Variants in PTK7 observed in about 807,000 individuals in gnomAD.
The protein encoded by PTK7 is protein tyrosine kinase 7 (inactive), also known as inactive tyrosine-protein kinase 7.
Under a neutral mutation model 116.6 loss-of-function variants are expected in PTK7, and 39 were observed. The observed-to-expected ratio is 0.33, with a 90% CI of 0.26 to 0.44. The LOEUF (loss-of-function observed/expected upper bound fraction) is 0.44. Ranked by LOEUF, PTK7 falls within the 20% of genes least tolerant of loss-of-function variation. The pLI, the probability that PTK7 is intolerant of heterozygous loss-of-function variation, is 1.00. For synonymous variants in PTK7, 546 were observed against 563.6 expected (o/e 0.97, Z 0.44); for missense variants, 1,169 against 1,425.6 (o/e 0.82, Z 2.90).
chr6:43,137,212 G>A (rs1770093959), intron 7 of PTK7, among the ~76,000 whole-genome samples: 2 of 152,100 alleles, frequency 1.3e-5, no homozygotes, highest in African/African-American at 4.8e-5. Flanking sequence ...AGAATGTTAG[G>A]GCCAAGAGTA....
At chr6:43,132,800 G>T (rs1224145083) in intron 7 of PTK7, 113 bp downstream of exon 7, 41 of 1,434,482 alleles carry the variant, frequency 2.9e-5, no homozygotes, top group Non-Finnish European at 3.8e-5. Context: ...TCTGGGCCCT[G>T]CAGGCTTGGG....
intron 1 of PTK7, among the ~76,000 whole-genome samples, chr6:43,118,441 C>T (rs79067574): frequency 0.019 from 2,942 of 151,376 alleles, 93 homozygotes; most frequent in African/African-American, 0.066. Context: ...GGGGCTGAGG[C>T]GGCAGAATTG....
intron 1 of PTK7, among the ~76,000 whole-genome samples, chr6:43,123,750 G>A (rs1769109633): frequency 6.6e-6 from 1 of 152,148 alleles, no homozygotes; most frequent in Non-Finnish European, 1.5e-5. Context: ...CGCCTGGTGT[G>A]GGCAGATGGC....
At position 43,160,904 on chromosome 6, in the gene PTK7, C is replaced by T. The variant is rs374214013; in HGVS notation, c.*23C>T. The T allele has an allele frequency of 4.7e-5, 76 of 1,611,174 alleles. 1 individual carries two copies. The South Asian group carries it at 7.8e-4, about 17-fold the overall frequency. Reference sequence around the variant, plus strand: ...TGAGGAGGGAGCCCGCTCAGGATGGCCTGGGCAGGGGAGGACATCTCTAGA... The same window carrying T: ...TGAGGAGGGAGCCCGCTCAGGATGGTCTGGGCAGGGGAGGACATCTCTAGA... On this transcript the variant is annotated 3_prime_UTR_variant, in exon 20 of 20. Transcript: ENST00000230419.
At chr6:43,101,508 C>T (rs940769685) in intron 1 of PTK7, among the ~76,000 whole-genome samples, 126 of 150,440 alleles carry the variant, frequency 8.4e-4, no homozygotes, top group African/African-American at 2.7e-3. Flanking sequence ...GCTGAGATTG[C>T]GCCACTGCAC....
rs1474723619 is a variant in PTK7, at chr6:43,130,559, C to G, written c.710C>G (p.Ala237Gly). The G allele has an allele frequency of 6.2e-7, 1 of 1,614,082 alleles. No homozygotes were observed. Among genetic ancestry groups the G allele is most frequent in the African/African-American group, 1.3e-5 (1 of 75,018 alleles). ...CTGGCACCCCAGGACGTGGTAGTAG[C>G]GAGGTATGAGGAGGCCATGTTCCAT... ...VVLAPQDVVV[A>G]RYEEAMFHCQ... Residue 237 changes from alanine to glycine, a missense_variant, in exon 5 of 20, where the codon GCG becomes GGG. Ala to Gly is a moderately conservative substitution (Grantham distance 60). Transcript: ENST00000230419.
In PTK7 at chr6:43,161,463, G is replaced by A. The variant is rs572741614; in HGVS notation, c.*582G>A. On this transcript the variant is annotated 3_prime_UTR_variant, in exon 20 of 20. Transcript: ENST00000230419. The stretch of plus-strand genomic sequence containing the variant: ...CTCCTTTCCTCATCCTAAGTGCCTG[G>A]CAGATGAAGGAGTTTTCAGGAGCTT... 1 of 152,076 alleles carries A rather than the reference G, an allele frequency of 6.6e-6. No individual in the cohort carries two copies. Among genetic ancestry groups the A allele is most frequent in the African/African-American group, 2.4e-5 (1 of 41,414 alleles). The allele number at this position is 152,076 out of a possible 1,614,324, so 9.4% of individuals were successfully genotyped here. A position where few individuals can be genotyped will look rare whatever the true frequency, so the allele number is the denominator to read the frequency against.
intron 1 of PTK7, among the ~76,000 whole-genome samples, chr6:43,088,168 C>T (rs534726214): frequency 2.6e-5 from 4 of 152,160 alleles, no homozygotes; most frequent in African/African-American, 4.8e-5. Context: ...TAGACAGCAG[C>T]GGTGGCACGT....
chr6:43,094,732 T>TTAGGTGATCCACCCACCTCAGC (rs1325604158), intron 1 of PTK7, among the ~76,000 whole-genome samples: 1 of 151,814 alleles, frequency 6.6e-6, no homozygotes, highest in Non-Finnish European at 1.5e-5. Context: ...CCCGTCTCTG[T>TTAGGTGATCCACCCACCTCAGC]CTCCCAAAGT....
rs144893154 is a variant in PTK7, at chr6:43,142,211, C to T, written c.1959C>T (p.Asp653=). The T allele has an allele frequency of 2.3e-4, 365 of 1,614,148 alleles. 2 individuals carry two copies. In the African/African-American group the frequency reaches 3.8e-3, roughly 17 times the overall value. The change falls in exon 13 of 20, where the codon GAC becomes GAT. Residue 653 remains aspartate, a synonymous_variant. Coordinates refer to ENST00000230419, the MANE Select transcript of PTK7 (RefSeq NM_002821.5). ...IFQNGSLVIH[D]VAPEDSGRYT... is the part of the protein sequence containing the mutation. ...AGAATGGCTCCCTGGTGATCCATGA[C>T]GTGGCCCCTGAGGACTCAGGCCGCT... is the stretch of plus-strand genomic sequence containing the variant.
chr6:43,076,769 AG>A lies in PTK7; in HGVS notation c.79+205del. On this transcript the variant is annotated intron_variant, in intron 1 of 19. Transcript: ENST00000230419. The surrounding 1 kb of genome is among the most constrained non-coding windows in gnomAD (Gnocchi z 5.7). ...TGGCGAAGCCTCCAGGGACGCGGTC[AG>A]GGTACCCCTCCCACTCGCGCCGCGG... 1 of 1,395,860 alleles carries A rather than the reference AG, an allele frequency of 7.2e-7. No individual in the cohort carries two copies. The highest frequency in any genetic ancestry group is 1.5e-5 in the African/African-American group (1 of 67,760). 86.5% of individuals were successfully genotyped at this position (1,395,860 alleles called of 1,614,324 possible). A position where few individuals can be genotyped will look rare whatever the true frequency, so the allele number is the denominator to read the frequency against.
In PTK7 at chr6:43,142,019, C is replaced by CA. The variant is rs751581269; in HGVS notation, c.1859dup (p.Pro621AlafsTer33). On this transcript the variant is annotated frameshift_variant, in exon 12 of 20. Coordinates refer to ENST00000230419, the MANE Select transcript of PTK7 (RefSeq NM_002821.5). LOFTEE classifies it high-confidence loss of function. Reference sequence around the variant, plus strand: ...TGCAGTGCGAGGCCCAGGGGGACCCCAAGCCGCTGATTCAGTGGAAAGGCA... The same window carrying CA: ...TGCAGTGCGAGGCCCAGGGGGACCCCAAAGCCGCTGATTCAGTGGAAAGGCA... 6.2e-7 allele frequency: 1 copy of CA among 1,613,428 alleles called. No individual in the cohort carries two copies. Among genetic ancestry groups the CA allele is most frequent in the Non-Finnish European group, 8.5e-7 (1 of 1,179,920 alleles).
At position 43,145,182 on chromosome 6, in the gene PTK7, C is replaced by A; in HGVS notation, c.2408-18C>A. 1 of 1,584,822 alleles carries A rather than the reference C, an allele frequency of 6.3e-7. No homozygotes were observed. Among genetic ancestry groups the A allele is most frequent in the Admixed American group, 1.7e-5 (1 of 57,690 alleles). ...GGCCTGGGTGAAGGTGGCTGGCTGA[C>A]TCAGACTGTACCCACAGGGAAGAGT... On this transcript the variant is annotated intron_variant, in intron 15 of 19. Coordinates refer to ENST00000230419, the MANE Select transcript of PTK7 (RefSeq NM_002821.5). The surrounding 1 kb of genome is among the most constrained non-coding windows in gnomAD (Gnocchi z 4.8).
rs1489567894 is a variant in PTK7 at position 43,139,712 on chromosome 6, G to A, written c.1618+187G>A. Among the ~76,000 whole-genome samples the A allele has an allele frequency of 6.6e-6, 1 of 152,236 alleles. No individual in the cohort carries two copies. The highest frequency in any genetic ancestry group is 6.5e-5 in the Admixed American group (1 of 15,286). On this transcript the variant is annotated intron_variant, in intron 10 of 19. Transcript: ENST00000230419. This position sits in a 1 kb window ranked among gnomAD's most constrained non-coding sequence, Gnocchi z 4.6. ...ACAGAAGAGGTCAGATTATAGCCTT[G>A]GACAACATGGAAGACAACTCAAGGC...
intron 17 of PTK7, among the ~76,000 whole-genome samples, chr6:43,157,388 T>C (rs1771567352): frequency 8.8e-6 from 1 of 113,708 alleles, no homozygotes; most frequent in South Asian, 3.0e-4. Context: ...TTTTTTTTTT[T>C]TTTTTTTAAT....
At chr6:43,079,498 C>T (rs1347477317) in intron 1 of PTK7, among the ~76,000 whole-genome samples, 3 of 134,840 alleles carry the variant, frequency 2.2e-5, no homozygotes. Context: ...GAGACTCCGT[C>T]TCAAAAAAAA....
intron 17 of PTK7, among the ~76,000 whole-genome samples, chr6:43,151,646 C>A (rs1488655551): frequency 6.6e-6 from 1 of 150,952 alleles, no homozygotes; most frequent in African/African-American, 2.4e-5. Context: ...ATTATCCTGC[C>A]TCAGCCTCCC....
intron 1 of PTK7, among the ~76,000 whole-genome samples, chr6:43,089,191 G>C (rs529485951): frequency 6.6e-6 from 1 of 152,242 alleles, no homozygotes; most frequent in South Asian, 2.1e-4. Context: ...TCTTGTGCCA[G>C]GTGTATCTCT....
rs1407555741 is a variant in PTK7, at chr6:43,157,345, TATATATATATATATATATA to T, written c.2722-1471_2722-1453del. ...CACACGCTATATATATATATATATA[TATATATATATATATATATA>T]TTTTTTTTTTTCTTTTTTTTTTTTT... On this transcript the variant is annotated intron_variant, in intron 17 of 19. Transcript: ENST00000230419. 3.8e-3 allele frequency among the ~76,000 whole-genome samples: 117 copies of T among 31,036 alleles called. 6 individuals are homozygous for T. The highest frequency in any genetic ancestry group is 0.014 in the Middle Eastern group (1 of 72). 20.4% of individuals were successfully genotyped at this position (31,036 alleles called of 152,430 possible).
Sources: gnomAD v4.1 joint callset for allele counts (sites outside exome capture counted in the v4.1 genomes callset) on GRCh38, gnomAD v4.1.1 for gene constraint, Gnocchi (gnomAD v3.1) non-coding constraint, MANE v1.5 for transcripts, NCBI Gene and HGNC (gene_info 2026-07-23, HGNC 2026-07-21) for gene names.